Variants in FAM168A observed in about 807,000 individuals in gnomAD.
FAM168A encodes family with sequence similarity 168 member A.
A neutral mutation model predicts 28.5 loss-of-function variants in FAM168A; 3 were observed. That is an observed-to-expected ratio of 0.11 (90% confidence interval 0.05 to 0.27). FAM168A has a LOEUF of 0.27. Ranked by LOEUF, FAM168A falls within the 10% of genes least tolerant of loss-of-function variation. The probability of loss-of-function intolerance (pLI) is 1.00; values close to 1 mark genes in which losing one functional copy is unlikely to be tolerated. For synonymous variants in FAM168A, 122 were observed against 124.2 expected (o/e 0.98, Z 0.12); for missense variants, 222 against 311.5 (o/e 0.71, Z 2.16).
intron 1 of FAM168A, among the ~76,000 whole-genome samples, chr11:73,508,497 A>G (rs746051241): frequency 2.0e-5 from 3 of 152,138 alleles, no homozygotes; most frequent in Non-Finnish European, 4.4e-5. Flanking sequence ...CCAAGTCGGA[A>G]CAAAATTGCT....
chr11:73,462,993 C>G (rs765639904), intron 2 of FAM168A, among the ~76,000 whole-genome samples: 2 of 152,000 alleles, frequency 1.3e-5, no homozygotes, highest in Non-Finnish European at 2.9e-5. Context: ...TTTTGAGAGA[C>G]AGTCTCACTC....
At chr11:73,430,121 A>G (rs1395270854) in intron 3 of FAM168A, 1 of 157,886 alleles carries the variant, frequency 6.3e-6, no homozygotes, top group Non-Finnish European at 1.4e-5. Context: ...AAAATGGAAT[A>G]AACCTTTTCA....
chr11:73,421,143 A>C (rs1866786646), intron 3 of FAM168A, among the ~76,000 whole-genome samples: 1 of 152,066 alleles, frequency 6.6e-6, no homozygotes, highest in Admixed American at 6.5e-5. Context: ...GGCAATACTT[A>C]AAACATTTAA....
chr11:73,409,697 G>A lies in FAM168A; in HGVS notation c.421-36C>T, dbSNP rs763995542. 7 of 1,572,962 alleles carry A rather than the reference G, an allele frequency of 4.5e-6. 1 individual carries two copies. In the Admixed American group the frequency reaches 1.3e-4, roughly 29 times the overall value. On this transcript the variant is annotated intron_variant, in intron 5 of 7. Transcript: ENST00000356467. ...GAGGCTGAGGTCACATAGGCATTTGGAGAGGTAGGTGGGATATGGAGAGAG... is the reference window on the plus strand; with the variant it reads ...GAGGCTGAGGTCACATAGGCATTTGAAGAGGTAGGTGGGATATGGAGAGAG...
At chr11:73,529,604 G>A (rs1943490836) in intron 1 of FAM168A, among the ~76,000 whole-genome samples, 1 of 152,076 alleles carries the variant, frequency 6.6e-6, no homozygotes, top group African/African-American at 2.4e-5. Context: ...CACAAGCTAT[G>A]CACATGACAG....
In FAM168A at chr11:73,541,190, G is replaced by C. The variant is rs149111029; in HGVS notation, c.-19+56733C>G. Among the ~76,000 whole-genome samples, 169 of 152,020 alleles carry C rather than the reference G, an allele frequency of 1.1e-3. 3 individuals carry two copies. Among genetic ancestry groups the C allele is most frequent in the East Asian group, 8.1e-3 (42 of 5,160 alleles). On this transcript the variant is annotated intron_variant, in intron 1 of 7. Transcript: ENST00000356467. ...ACCGCACTCCAGCCTGGGTGACAGA[G>C]TGAGATTCCATCTCAAATAAATAAA...
chr11:73,503,338 G>C (rs577384842), intron 1 of FAM168A, among the ~76,000 whole-genome samples: 3 of 152,080 alleles, frequency 2.0e-5, no homozygotes, highest in African/African-American at 7.2e-5. Flanking sequence ...AAAATCACAA[G>C]CATTCCTTTA....
intron 2 of FAM168A, among the ~76,000 whole-genome samples, chr11:73,455,788 G>A (rs6592524): frequency 0.062 from 9,423 of 152,254 alleles, 856 homozygotes; most frequent in African/African-American, 0.2. Context: ...TCACCTGGAT[G>A]CCTAATCTAT....
chr11:73,477,674 T>G (rs1867907043), intron 1 of FAM168A, among the ~76,000 whole-genome samples: 1 of 151,456 alleles, frequency 6.6e-6, no homozygotes, highest in Admixed American at 6.6e-5. Context: ...GGTTGGTATA[T>G]TCAATGTGCT....
rs71065011 is a variant in FAM168A, at chr11:73,496,873, T to TCACACACACACACA, written c.-18-28395_-18-28382dup. 4.8e-3 allele frequency among the ~76,000 whole-genome samples: 670 copies of TCACACACACACACA among 140,204 alleles called. 10 individuals carry two copies. Among genetic ancestry groups the TCACACACACACACA allele is most frequent in the African/African-American group, 0.017 (635 of 36,856 alleles). The allele number at this position is 140,204 out of a possible 152,430, so 92.0% of individuals were successfully genotyped here. Reference sequence around the variant, plus strand: ...CTGCACCCAGCCCTGTATGTTCTTATCACACACACACACACACACACACAC... The same window carrying TCACACACACACACA: ...CTGCACCCAGCCCTGTATGTTCTTATCACACACACACACACACACACACACACACACACACACAC... On this transcript the variant is annotated intron_variant, in intron 1 of 7. Transcript: ENST00000356467.
In FAM168A at chr11:73,404,597, C is replaced by T. The variant is rs1160240589; in HGVS notation, c.*2166G>A. 1.3e-5 allele frequency: 2 copies of T among 152,200 alleles called. No individual in the cohort carries two copies. The highest frequency in any genetic ancestry group is 2.9e-5 in the Non-Finnish European group (2 of 68,036). The allele number at this position is 152,200 out of a possible 1,614,324, so 9.4% of individuals were successfully genotyped here. On this transcript the variant is annotated 3_prime_UTR_variant, in exon 8 of 8. Transcript: ENST00000356467. ...ACTTTCTATTGTTTTAAAGTGAAAC[C>T]TCATCAGCACCCAGAACAGATAATT... is the stretch of plus-strand genomic sequence containing the variant.
At chr11:73,437,118 AGACGGAGTCTT>A (rs1234720823) in intron 2 of FAM168A, among the ~76,000 whole-genome samples, 1 of 151,838 alleles carries the variant, frequency 6.6e-6, no homozygotes, top group Non-Finnish European at 1.5e-5. Context: ...TTTTTTTCCA[AGACGGAGTCTT>A]GCTCTGTCTC....
intron 1 of FAM168A, among the ~76,000 whole-genome samples, chr11:73,543,262 CTTTTTTTTT>C (rs58715872): frequency 1.8e-5 from 2 of 111,890 alleles, no homozygotes; most frequent in South Asian, 2.7e-4. Flanking sequence ...ATTAATTGTT[CTTTTTTTTT>C]TTTTTTTTTT....
chr11:73,470,491 T>C (rs1434791386), intron 1 of FAM168A, among the ~76,000 whole-genome samples: 2 of 152,072 alleles, frequency 1.3e-5, no homozygotes, highest in South Asian at 2.1e-4. Flanking sequence ...TGTTAAAAGG[T>C]GATTAGGCCA....
At chr11:73,544,846 AAT>A (rs1360022694) in intron 1 of FAM168A, among the ~76,000 whole-genome samples, 1 of 92,472 alleles carries the variant, frequency 1.1e-5, no homozygotes, top group Non-Finnish European at 1.8e-5. Context: ...ATATATATTA[AAT>A]ATATAATATA....
chr11:73,523,060 A>T (rs1246043309), intron 1 of FAM168A, among the ~76,000 whole-genome samples: 1 of 152,024 alleles, frequency 6.6e-6, no homozygotes, highest in Non-Finnish European at 1.5e-5. Flanking sequence ...CAATGAGAGG[A>T]GGGGGCTGCT....
At chr11:73,415,510 C>T (rs1361723487) in intron 4 of FAM168A, among the ~76,000 whole-genome samples, 3 of 152,194 alleles carry the variant, frequency 2.0e-5, no homozygotes, top group African/African-American at 2.4e-5. Flanking sequence ...CAGGGAATAT[C>T]CTCATTTGGA....
chr11:73,484,532 A>C (rs1020640713), intron 1 of FAM168A, among the ~76,000 whole-genome samples: 2 of 146,018 alleles, frequency 1.4e-5, no homozygotes, highest in Non-Finnish European at 3.0e-5. Flanking sequence ...ATATATCTAT[A>C]TATCTATATA....
At chr11:73,504,513 G>A (rs1230407793) in intron 1 of FAM168A, among the ~76,000 whole-genome samples, 1 of 152,194 alleles carries the variant, frequency 6.6e-6, no homozygotes, top group African/African-American at 2.4e-5. Flanking sequence ...ACAGATGCTG[G>A]CGAGGCTGTG....
Sources: gnomAD v4.1 joint callset for allele counts (sites outside exome capture counted in the v4.1 genomes callset) on GRCh38, gnomAD v4.1.1 for gene constraint, MANE v1.5 for transcripts, NCBI Gene and HGNC (gene_info 2026-07-23, HGNC 2026-07-21) for gene names.